Variants in DDHD2 observed in about 807,000 individuals in gnomAD.
DDHD2 encodes triacylglycerol hydrolase DDHD2.
A neutral mutation model predicts 91.2 loss-of-function variants in DDHD2; 62 were observed. The ratio of observed to expected loss-of-function variants is 0.68; its 90% CI spans 0.55 to 0.84. The LOEUF is 0.84. Among genes scored for constraint, DDHD2 ranks in the 40% least tolerant of loss-of-function variants. DDHD2 has a pLI of 0.00. For missense variants in DDHD2, 740 were observed against 846.9 expected, an observed-to-expected ratio of 0.87 and a Z score of 1.57; for synonymous variants, 271 against 293.9, an observed-to-expected ratio of 0.92 and a Z score of 0.80.
At chr8:38,256,684 A>G (rs917615231) in intron 16 of DDHD2, among the ~76,000 whole-genome samples, 6 of 152,090 alleles carry the variant, frequency 3.9e-5, no homozygotes, top group South Asian at 2.1e-4. Flanking sequence ...CAGTTTGTCC[A>G]TTTACCTGTT....
At chr8:38,269,176 C>T (rs1036404696) in intron 1 of DDHD2, 7 of 1,505,708 alleles carry the variant, frequency 4.6e-6, no homozygotes, top group Non-Finnish European at 6.2e-6. Context: ...CCCCAAAGGC[C>T]ACCGCCGCCG....
intron 11 of DDHD2, 146 bp downstream of exon 11, chr8:38,249,949 C>A: frequency 2.1e-6 from 1 of 469,924 alleles, no homozygotes; most frequent in Non-Finnish European, 3.9e-6. Flanking sequence ...CAGGGTCTCG[C>A]TCTGTCACTC....
At chr8:38,255,293 G>T in intron 16 of DDHD2, 1 of 475,412 alleles carries the variant, frequency 2.1e-6, no homozygotes, top group Non-Finnish European at 4.1e-6. Flanking sequence ...ACTATCGTTT[G>T]TATATAATAT....
Position 38,262,808 on chromosome 8 carries a change from C to G in DDHD2, c.*2235C>G, listed in dbSNP as rs1451981974. ...TACTTTTACCTGGACTCACCCGTCT[C>G]AAAGTCAAGAAAATCAGTACAGTCA... On this transcript the variant is annotated 3_prime_UTR_variant, in exon 18 of 18. Transcript: ENST00000397166. 1 of 152,142 alleles carries G rather than the reference C, an allele frequency of 6.6e-6. No homozygotes were observed. Among genetic ancestry groups the G allele is most frequent in the Admixed American group, 6.5e-5 (1 of 15,274 alleles). The allele number at this position is 152,142 out of a possible 1,614,324, so 9.4% of individuals were successfully genotyped here.
chr8:38,251,783 A>G (rs554565962), intron 11 of DDHD2, 129 bp from the exon 12 acceptor site: 1 of 626,042 alleles, frequency 1.6e-6, no homozygotes, highest in South Asian at 2.0e-5. Context: ...TATGTTGCCC[A>G]CGTTGGACTT....
intron 6 of DDHD2, 90 bp downstream of exon 6, chr8:38,240,454 TAAG>T: frequency 2.1e-6 from 2 of 959,068 alleles, no homozygotes; most frequent in Non-Finnish European, 3.1e-6. Context: ...CTTAGCTGCA[TAAG>T]AAGATTTGGA....
chr8:38,260,386 A>C (rs1806917115), intron 17 of DDHD2: 1 of 326,232 alleles, frequency 3.1e-6, no homozygotes, highest in Non-Finnish European at 5.7e-6. Flanking sequence ...GACACCTGTC[A>C]TTTTTTAGGA....
At chr8:38,269,049 T>G in intron 1 of DDHD2, 1 of 1,526,932 alleles carries the variant, frequency 6.5e-7, no homozygotes, top group Non-Finnish European at 8.8e-7. Flanking sequence ...GCTTCCCCAC[T>G]GCCCGACCCG....
intron 16 of DDHD2, among the ~76,000 whole-genome samples, chr8:38,254,669 C>T (rs1193817745): frequency 2.0e-5 from 3 of 152,008 alleles, no homozygotes; most frequent in African/African-American, 4.8e-5. Flanking sequence ...CACGCCTGGG[C>T]AGAATTATTA....
intron 6 of DDHD2, 95 bp downstream of exon 6, chr8:38,240,459 A>C: frequency 2.3e-6 from 2 of 886,108 alleles, no homozygotes; most frequent in Admixed American, 2.2e-5. Context: ...CTGCATAAGA[A>C]GATTTGGAGA....
rs1438665899 is a variant in DDHD2, at chr8:38,269,259, G to A, written n.88-1863G>A. ...TGGCCACCTCCGCGGGGAGGGCCGG[G>A]CCGGGAACTGGGCACCGCCCCCTCT... On this transcript the variant is annotated intron_variant and non_coding_transcript_variant, in intron 1 of 1. Coordinates refer to the DDHD2 transcript ENST00000526071. 3 of 1,370,302 alleles carry A rather than the reference G, an allele frequency of 2.2e-6. No homozygotes were observed. The East Asian group carries it at 9.1e-5, about 42-fold the overall frequency. 84.9% of individuals were successfully genotyped at this position (1,370,302 alleles called of 1,614,324 possible). A position where few individuals can be genotyped will look rare whatever the true frequency, so the allele number is the denominator to read the frequency against.
At chr8:38,268,367 T>C in intron 1 of DDHD2, 2 of 1,563,576 alleles carry the variant, frequency 1.3e-6, no homozygotes, top group Non-Finnish European at 1.7e-6. Flanking sequence ...GGGCTAGCGC[T>C]CACCCAGGCA....
At position 38,247,649 on chromosome 8, in the gene DDHD2, C is replaced by A; in HGVS notation, c.1126-64C>A. On this transcript the variant is annotated intron_variant, in intron 9 of 17. Coordinates refer to ENST00000397166, the MANE Select transcript of DDHD2 (RefSeq NM_015214.3). ...TGGAAATCTATGTATTTCTTTACTGCAAAATAGTATTAAAGGAAACTAAAT... is the reference window on the plus strand; with the variant it reads ...TGGAAATCTATGTATTTCTTTACTGAAAAATAGTATTAAAGGAAACTAAAT... 11 of 1,096,096 alleles carry A rather than the reference C, an allele frequency of 1.0e-5. No individual in the cohort carries two copies. In the South Asian group the frequency reaches 2.6e-4, roughly 25 times the overall value. 67.9% of individuals were successfully genotyped at this position (1,096,096 alleles called of 1,614,324 possible).
Position 38,249,607 on chromosome 8 carries a change from GAGAC to G in DDHD2, c.1249-98_1249-95del, listed in dbSNP as rs1805945412. 4.9e-6 allele frequency: 3 copies of G among 609,986 alleles called. No individual in the cohort carries two copies. The South Asian group carries it at 8.3e-5, about 17-fold the overall frequency. The allele number at this position is 609,986 out of a possible 1,614,324, so 37.8% of individuals were successfully genotyped here. ...TATTCTATGATGTTTTACTACTAGA[GAGAC>G]AGGCAGCAACAGAGTGCCTAGGCCT... On this transcript the variant is annotated intron_variant, in intron 10 of 17. Coordinates refer to ENST00000397166, the MANE Select transcript of DDHD2 (RefSeq NM_015214.3).
intron 6 of DDHD2, 26 bp downstream of exon 6, chr8:38,240,390 A>C: frequency 6.6e-7 from 1 of 1,506,800 alleles, no homozygotes; most frequent in Non-Finnish European, 9.2e-7. Flanking sequence ...ATGTGAGAGA[A>C]TATTAATCAG....
chr8:38,258,172 C>A (rs1806680204), intron 16 of DDHD2, among the ~76,000 whole-genome samples: 1 of 151,890 alleles, frequency 6.6e-6, no homozygotes, highest in Non-Finnish European at 1.5e-5. Context: ...ACATATAAAT[C>A]TTTGATTCAG....
chr8:38,252,938 C>A lies in DDHD2; in HGVS notation c.1721-19C>A, dbSNP rs180944432. On this transcript the variant is annotated intron_variant, in intron 14 of 17. Coordinates refer to ENST00000397166, the MANE Select transcript of DDHD2 (RefSeq NM_015214.3). Reference sequence around the variant, plus strand: ...AGCTCTTTGTAAATCATTTAATGTTCTTTATTTATATGTTTCAGAACTGAG... The same window carrying A: ...AGCTCTTTGTAAATCATTTAATGTTATTTATTTATATGTTTCAGAACTGAG... 2 of 1,612,974 alleles carry A rather than the reference C, an allele frequency of 1.2e-6. No individual in the cohort carries two copies. The highest frequency in any genetic ancestry group is 2.2e-5 in the East Asian group (1 of 44,882).
chr8:38,267,881 A>C, intron 1 of DDHD2: 1 of 1,613,216 alleles, frequency 6.2e-7, no homozygotes, highest in Admixed American at 1.7e-5. Flanking sequence ...TGGGGTGGTT[A>C]GCTGTTGTCA....
Position 38,269,054 on chromosome 8 carries a change from G to A in DDHD2, n.88-2068G>A, listed in dbSNP as rs533667637. ...CTTCCTCCCCGCTTCCCCACTGCCC[G>A]ACCCGCCGCCCCGTGCCGCCCGCCT... On this transcript the variant is annotated intron_variant and non_coding_transcript_variant, in intron 1 of 1. Transcript: ENST00000526071. The A allele has an allele frequency of 3.3e-3, 5,035 of 1,525,404 alleles. 14 individuals carry two copies. The highest frequency in any genetic ancestry group is 4.2e-3 in the Non-Finnish European group (4,778 of 1,139,150). 94.5% of individuals were successfully genotyped at this position (1,525,404 alleles called of 1,614,324 possible).
Sources: gnomAD v4.1 joint callset for allele counts (sites outside exome capture counted in the v4.1 genomes callset) on GRCh38, gnomAD v4.1.1 for gene constraint, MANE v1.5 for transcripts, NCBI Gene and HGNC (gene_info 2026-07-23, HGNC 2026-07-21) for gene names.